The following SNX9 variants were observed in gnomAD, a reference collection of about 807,000 sequenced individuals.
The protein encoded by SNX9 is sorting nexin 9.
In SNX9, 44 loss-of-function variants were observed where a neutral mutation model predicts 89.4. The ratio of observed to expected loss-of-function variants is 0.49; its 90% CI spans 0.39 to 0.63. The LOEUF (loss-of-function observed/expected upper bound fraction) is 0.63, where lower values mean the gene tolerates loss of function less well. Ranked by LOEUF, SNX9 falls within the 30% of genes least tolerant of loss-of-function variation. The pLI, the probability that SNX9 is intolerant of heterozygous loss-of-function variation, is 0.00. For synonymous variants in SNX9, 236 were observed against 247.8 expected (o/e 0.95, Z 0.45); for missense variants, 578 against 736.1 (o/e 0.79, Z 2.49).
intron 10 of SNX9, among the ~76,000 whole-genome samples, chr6:157,922,222 T>C (rs1384178304): frequency 1.3e-5 from 2 of 152,234 alleles, no homozygotes; most frequent in Non-Finnish European, 2.9e-5. Context: ...CAAGGAAACG[T>C]TGGCTGCCTG....
intron 16 of SNX9, 42 bp downstream of exon 16, chr6:157,938,789 T>C (rs747509478): frequency 6.7e-7 from 1 of 1,481,620 alleles, no homozygotes; most frequent in African/African-American, 1.4e-5. Context: ...TGGAAGTTTT[T>C]TTTTCCCCAG....
intron 4 of SNX9, among the ~76,000 whole-genome samples, chr6:157,895,518 G>T (rs959615686): frequency 5.9e-5 from 9 of 152,042 alleles, no homozygotes; most frequent in Non-Finnish European, 1.0e-4. Flanking sequence ...GCATATACTG[G>T]TCAAGTTGTA....
chr6:157,915,656 T>TATATAC (rs1783450978), intron 9 of SNX9, among the ~76,000 whole-genome samples: 1 of 120,110 alleles, frequency 8.3e-6, no homozygotes, highest in African/African-American at 3.3e-5. Context: ...TATATATATA[T>TATATAC]ACACACACAC....
At chr6:157,923,174 G>A (rs1783617950) in intron 10 of SNX9, among the ~76,000 whole-genome samples, 2 of 152,166 alleles carry the variant, frequency 1.3e-5, no homozygotes, top group African/African-American at 4.8e-5. Flanking sequence ...TGGTCTTAGT[G>A]CCACTTCTAG....
chr6:157,938,470 C>CT, intron 15 of SNX9, among the ~76,000 whole-genome samples, 163 bp from the exon 16 acceptor site: 1 of 152,310 alleles, frequency 6.6e-6, no homozygotes, highest in East Asian at 1.9e-4. Flanking sequence ...TTCCAAGGGA[C>CT]TTGAAGGAAG....
chr6:157,901,901 C>G lies in SNX9; in HGVS notation c.476C>G (p.Thr159Ser). The G allele has an allele frequency of 6.3e-7, 1 of 1,597,574 alleles. No individual in the cohort carries two copies. Among genetic ancestry groups the G allele is most frequent in the South Asian group, 1.1e-5 (1 of 88,474 alleles). ...GATCTTCCATTTTCACCTCTAGCAA[C>G]TGGTGATGATGATGACTGGGATGAA... Reference protein sequence around the residue: ...GHPQAYQGPATGDDDDWDEDW... With the variant: ...GHPQAYQGPASGDDDDWDEDW... Residue 159 changes from threonine (T) to serine (S), a missense_variant, in exon 6 of 18, where the codon ACT becomes AGT. Around this residue, in one of 2 missense-constraint regions of SNX9, gnomAD observed 230 missense variants for 244.7 expected, o/e 0.94. Transcript: ENST00000392185.
intron 9 of SNX9, among the ~76,000 whole-genome samples, chr6:157,920,635 A>G (rs1783564843): frequency 6.6e-6 from 1 of 152,168 alleles, no homozygotes; most frequent in Non-Finnish European, 1.5e-5. Flanking sequence ...GTTGATTTCT[A>G]GAGCACTCAT....
intron 5 of SNX9, 44 bp from the exon 6 acceptor site, chr6:157,901,854 C>T (rs575412100): frequency 2.7e-6 from 4 of 1,456,720 alleles, no homozygotes; most frequent in Admixed American, 4.5e-5. Context: ...TTATTTTGGT[C>T]TTTTTTTTTT....
intron 1 of SNX9, among the ~76,000 whole-genome samples, chr6:157,858,411 G>A (rs1026728326): frequency 2.6e-5 from 4 of 151,804 alleles, no homozygotes; most frequent in African/African-American, 7.3e-5. Context: ...TAGTAGAGAC[G>A]GGGTCTGTCC....
intron 9 of SNX9, among the ~76,000 whole-genome samples, chr6:157,918,650 CTG>C (rs1783521967): frequency 1.3e-5 from 2 of 151,920 alleles, no homozygotes; most frequent in South Asian, 4.1e-4. Context: ...TATTTGTTTT[CTG>C]TGTTTGCTTC....
intron 3 of SNX9, 118 bp downstream of exon 3, chr6:157,873,294 T>G (rs1782453001): frequency 1.7e-5 from 10 of 578,628 alleles, no homozygotes; most frequent in Non-Finnish European, 2.2e-5. Context: ...ATTGTAAATA[T>G]AATAAATGTT....
At chr6:157,855,038 G>T (rs1291361604) in intron 1 of SNX9, among the ~76,000 whole-genome samples, 1 of 150,352 alleles carries the variant, frequency 6.7e-6, no homozygotes, top group Non-Finnish European at 1.5e-5. Flanking sequence ...CTCTCCTTTA[G>T]CCATCTTCTT....
intron 9 of SNX9, among the ~76,000 whole-genome samples, chr6:157,918,184 A>C (rs974687054): frequency 6.6e-6 from 1 of 152,082 alleles, no homozygotes; most frequent in East Asian, 1.9e-4. Context: ...TTCTAGTTCT[A>C]TCAATTATTG....
rs779059340 is a variant in SNX9, at chr6:157,909,993, C to T, written c.917C>T (p.Pro306Leu). The part of the protein sequence containing the change: ...RLLVKFGSAI[P>L]IPSLPDKQVT... Reference sequence around the variant, plus strand: ...CTGGTTAAGTTTGGGTCAGCCATTCCAATCCCTTCTCTTCCAGACAAACAA... The same window carrying T: ...CTGGTTAAGTTTGGGTCAGCCATTCTAATCCCTTCTCTTCCAGACAAACAA... Residue 306 changes from proline to leucine, a missense_variant, in exon 9 of 18, where the codon CCA becomes CTA. By Grantham distance (98) the Pro-to-Leu change is moderately conservative. Around this residue, in one of 2 missense-constraint regions of SNX9, gnomAD observed 348 missense variants for 491.4 expected, o/e 0.71. Coordinates refer to ENST00000392185, the MANE Select transcript of SNX9 (RefSeq NM_016224.5). 41 of 1,613,958 alleles carry T rather than the reference C, an allele frequency of 2.5e-5. No individual in the cohort carries two copies. The highest frequency in any genetic ancestry group is 3.3e-5 in the Non-Finnish European group (39 of 1,179,962).
intron 3 of SNX9, chr6:157,874,266 A>G (rs1782475872): frequency 6.6e-6 from 1 of 152,278 alleles, no homozygotes; most frequent in Non-Finnish European, 1.5e-5. Flanking sequence ...TTTTCCATAC[A>G]ACTGCAACCC....
At chr6:157,847,378 C>T (rs1259068534) in intron 1 of SNX9, among the ~76,000 whole-genome samples, 1 of 152,134 alleles carries the variant, frequency 6.6e-6, no homozygotes, top group Non-Finnish European at 1.5e-5. Flanking sequence ...GCTAGAATCA[C>T]AGTTGTGAGC....
chr6:157,826,257 G>A (rs1326340166), intron 1 of SNX9, among the ~76,000 whole-genome samples: 1 of 152,106 alleles, frequency 6.6e-6, no homozygotes, highest in Non-Finnish European at 1.5e-5. Context: ...CTAGCACTTT[G>A]GGAGGCCGAG....
chr6:157,929,502 T>C (rs979559340), intron 12 of SNX9, among the ~76,000 whole-genome samples: 1 of 152,228 alleles, frequency 6.6e-6, no homozygotes, highest in Non-Finnish European at 1.5e-5. Flanking sequence ...GGTCTGCCCT[T>C]ATTGCTGTGT....
intron 1 of SNX9, among the ~76,000 whole-genome samples, chr6:157,846,189 A>G (rs1781804146): frequency 6.6e-6 from 1 of 152,264 alleles, no homozygotes; most frequent in South Asian, 2.1e-4. Context: ...CCTTTGTCCA[A>G]GTATGATTCA....
Sources: allele counts gnomAD v4.1 joint callset (sites outside exome capture counted in the v4.1 genomes callset), GRCh38; gene constraint gnomAD v4.1.1; regional missense constraint gnomAD v4.1.1; transcripts MANE v1.5; gene names NCBI Gene and HGNC (gene_info 2026-07-23, HGNC 2026-07-21).